Variants in ANK2 observed in about 807,000 individuals in gnomAD.
ANK2 encodes the protein ankyrin-2.
ANK2 carries 83 observed loss-of-function variants against 360.5 expected under a neutral mutation model. The ratio of observed to expected loss-of-function variants is 0.23; its 90% CI spans 0.19 to 0.28. ANK2 has a LOEUF of 0.28. ANK2 is among the 10% of genes least tolerant of loss of function. The pLI, the probability that ANK2 is intolerant of heterozygous loss-of-function variation, is 1.00. For missense variants in ANK2, 4,201 were observed against 4,795.7 expected, an observed-to-expected ratio of 0.88 and a Z score of 3.66; for synonymous variants, 1,740 against 1,759.5, an observed-to-expected ratio of 0.99 and a Z score of 0.28.
intron 8 of ANK2, among the ~76,000 whole-genome samples, chr4:113,241,198 A>G (rs539976645): frequency 6.6e-6 from 1 of 152,348 alleles, no homozygotes; most frequent in East Asian, 1.9e-4. Context: ...CATAATGATG[A>G]TATGTGATAG....
At chr4:112,959,936 G>C (rs1032498190) in intron 2 of ANK2, among the ~76,000 whole-genome samples, 2 of 152,160 alleles carry the variant, frequency 1.3e-5, no homozygotes, top group African/African-American at 2.4e-5. Context: ...AGAGGCCAAG[G>C]CTTAGCCTAA....
chr4:113,123,695 G>T (rs780935058), intron 1 of ANK2, among the ~76,000 whole-genome samples: 3 of 152,050 alleles, frequency 2.0e-5, no homozygotes, highest in Non-Finnish European at 4.4e-5. Context: ...TCAGAATCCT[G>T]GGGTAGACTG....
rs1408842609 is a variant in ANK2 at position 112,847,639 on chromosome 4, T to C, written c.-40+29375T>C. ...TGTAATGACCTTCCATTTGCCACTG[T>C]GTATCTTCTTTAAGTATGATTTTTA... On this transcript the variant is annotated intron_variant, in intron 1 of 30. Coordinates refer to the ANK2 transcript ENST00000503271. Among the ~76,000 whole-genome samples, 10 of 152,330 alleles carry C rather than the reference T, an allele frequency of 6.6e-5. No homozygotes were observed. In the East Asian group the frequency reaches 1.7e-3, roughly 26 times the overall value.
At chr4:112,991,743 G>C (rs932189369) in intron 2 of ANK2, among the ~76,000 whole-genome samples, 1 of 151,094 alleles carries the variant, frequency 6.6e-6, no homozygotes, top group African/African-American at 2.4e-5. Context: ...ACCAGAAGCA[G>C]TCAGGAAAAA....
intron 4 of ANK2, among the ~76,000 whole-genome samples, chr4:113,222,564 G>A (rs2099163521): frequency 6.6e-6 from 1 of 151,516 alleles, no homozygotes; most frequent in African/African-American, 2.4e-5. Flanking sequence ...GGGCAGCTGA[G>A]GGAGTAAAAA....
intron 2 of ANK2, among the ~76,000 whole-genome samples, chr4:112,968,158 T>G (rs1420077594): frequency 1.3e-5 from 2 of 152,242 alleles, no homozygotes; most frequent in African/African-American, 4.8e-5. Flanking sequence ...GAACCATTAA[T>G]TATTAGCAGG....
At position 113,049,698 on chromosome 4, in the gene ANK2, G is replaced by T; in HGVS notation, c.-31G>T. On this transcript the variant is annotated 5_prime_UTR_variant, in exon 1 of 46. Transcript: ENST00000357077. Reference sequence around the variant, plus strand: ...TCTGTACAGGCGGCACGGTTTGATGGCAGAGATATTTTCTTTCCAAACTGT... The same window carrying T: ...TCTGTACAGGCGGCACGGTTTGATGTCAGAGATATTTTCTTTCCAAACTGT... 6.2e-7 allele frequency: 1 copy of T among 1,602,796 alleles called. No homozygotes were observed. Among genetic ancestry groups the T allele is most frequent in the Non-Finnish European group, 8.5e-7 (1 of 1,173,374 alleles).
At chr4:112,980,149 G>T (rs961442491) in intron 2 of ANK2, 7 of 152,372 alleles carry the variant, frequency 4.6e-5, no homozygotes, top group African/African-American at 1.7e-4. Context: ...GTCCAAAGGG[G>T]GCTGAGGCAG....
rs763131855 is a variant in ANK2 at position 113,381,603 on chromosome 4, A to G, written c.*132A>G. On this transcript the variant is annotated 3_prime_UTR_variant, in exon 46 of 46. Transcript: ENST00000357077. ...CGCGATCTCCAGCAGCTCCTTCGGC[A>G]TTTCTGCAAGGAGGACTTGAAGCAA... 3.8e-6 allele frequency: 6 copies of G among 1,574,830 alleles called. No individual in the cohort carries two copies. The South Asian group carries it at 6.9e-5, about 18-fold the overall frequency.
rs750143580 is a variant in ANK2 at position 113,358,978 on chromosome 4, A to AG, written c.10367dup (p.Thr3457HisfsTer8). 3.1e-6 allele frequency: 5 copies of AG among 1,613,992 alleles called. No homozygotes were observed. Among genetic ancestry groups the AG allele is most frequent in the Non-Finnish European group, 1.7e-6 (2 of 1,179,952 alleles). On this transcript the variant is annotated frameshift_variant, in exon 38 of 46. Coordinates refer to ENST00000357077, the MANE Select transcript of ANK2 (RefSeq NM_001148.6). LOFTEE classifies it high-confidence loss of function. Reference sequence around the variant, plus strand: ...GAGCAGAAGCACTACATCTTCCTGCAGGGGGGGCACGAGCCCCACAAAAGA... The same window carrying AG: ...GAGCAGAAGCACTACATCTTCCTGCAGGGGGGGGCACGAGCCCCACAAAAGA...
At chr4:112,874,448 C>A (rs2074324985) in intron 1 of ANK2, among the ~76,000 whole-genome samples, 1 of 151,052 alleles carries the variant, frequency 6.6e-6, no homozygotes, top group African/African-American at 2.4e-5. Flanking sequence ...TGAGACCAGC[C>A]TGACCAACAT....
chr4:112,736,670 A>G, the ANK2 span, among the ~76,000 whole-genome samples: 2 of 152,134 alleles, frequency 1.3e-5, no homozygotes, highest in African/African-American at 4.8e-5. Flanking sequence ...TTTCCTTGCA[A>G]TCACACTATT....
chr4:113,268,192 GCAAA>G (rs2057003040), intron 14 of ANK2, among the ~76,000 whole-genome samples: 1 of 152,142 alleles, frequency 6.6e-6, no homozygotes, highest in Non-Finnish European at 1.5e-5. Flanking sequence ...CAAGTCATTT[GCAAA>G]CAGAGACAAT....
chr4:113,080,655 A>G (rs181022870), intron 1 of ANK2, among the ~76,000 whole-genome samples: 2 of 152,342 alleles, frequency 1.3e-5, no homozygotes, highest in African/African-American at 4.8e-5. Context: ...TATATATTCA[A>G]AGAAGTTTGT....
At chr4:112,986,972 C>G (rs923096927) in intron 2 of ANK2, among the ~76,000 whole-genome samples, 10 of 152,062 alleles carry the variant, frequency 6.6e-5, no homozygotes, top group Non-Finnish European at 1.3e-4. Context: ...CTTCCCTAGG[C>G]CACATTGGAA....
At chr4:113,282,571 T>C in intron 17 of ANK2, 104 bp from the exon 18 acceptor site, 1 of 1,133,766 alleles carries the variant, frequency 8.8e-7, no homozygotes, top group South Asian at 1.3e-5. Context: ...AACTCACTTT[T>C]AACTCTTCTA....
rs769280185 is a variant in ANK2, at chr4:113,373,459, C to A, written c.11859+10C>A. 6.2e-7 allele frequency: 1 copy of A among 1,613,860 alleles called. No homozygotes were observed. Among genetic ancestry groups the A allele is most frequent in the Non-Finnish European group, 8.5e-7 (1 of 1,179,858 alleles). ...CACCGAGCAGTCAGAGGTGAGACAACCTGATTCTCTAAAACCCATTTGATG... is the reference window on the plus strand; with the variant it reads ...CACCGAGCAGTCAGAGGTGAGACAAACTGATTCTCTAAAACCCATTTGATG... On this transcript the variant is annotated intron_variant, in intron 45 of 45. Transcript: ENST00000357077.
chr4:113,145,766 G>T lies in ANK2; in HGVS notation c.85-28650G>T, dbSNP rs1459714327. On this transcript the variant is annotated intron_variant, in intron 1 of 45. Transcript: ENST00000357077. ...AAGGGAACTGAGCAGAGGAGCCAAG[G>T]ATCATCTTGATGAATTGCCCACATT... 8 of 1,220,558 alleles carry T rather than the reference G, an allele frequency of 6.6e-6. No individual in the cohort carries two copies. In the South Asian group the frequency reaches 7.2e-5, roughly 11 times the overall value. The allele number at this position is 1,220,558 out of a possible 1,614,324, so 75.6% of individuals were successfully genotyped here. A position where few individuals can be genotyped will look rare whatever the true frequency, so the allele number is the denominator to read the frequency against.
intron 33 of ANK2, 81 bp downstream of exon 33, chr4:113,341,997 A>G: frequency 3.2e-6 from 4 of 1,255,068 alleles, no homozygotes; most frequent in Non-Finnish European, 4.5e-6. Context: ...AATATCATTT[A>G]ATAAATAGAA....
Sources: allele counts gnomAD v4.1 joint callset (sites outside exome capture counted in the v4.1 genomes callset), GRCh38; gene constraint gnomAD v4.1.1; transcripts MANE v1.5; gene names NCBI Gene and HGNC (gene_info 2026-07-23, HGNC 2026-07-21).